The following DPYD variants were observed in gnomAD, a reference collection of about 807,000 sequenced individuals.
DPYD encodes the protein dihydropyrimidine dehydrogenase [NADP(+)].
Under a neutral mutation model 116.2 loss-of-function variants are expected in DPYD, and 109 were observed. The observed-to-expected ratio is 0.94, with a 90% CI of 0.80 to 1.10. The LOEUF is 1.10. DPYD is among the 50% of genes least tolerant of loss of function. The pLI, the probability that DPYD is intolerant of heterozygous loss-of-function variation, is 0.00. For synonymous variants in DPYD, 440 were observed against 432.0 expected (o/e 1.02, Z -0.23); for missense variants, 1,302 against 1,254.5 (o/e 1.04, Z -0.57).
chr1:97,720,037 GA>G, intron 5 of DPYD: 1 of 984,940 alleles, frequency 1.0e-6, no homozygotes, highest in Non-Finnish European at 1.2e-6. Flanking sequence ...CTCTGGGAAT[GA>G]GTGGTAGAAC....
intron 8 of DPYD, among the ~76,000 whole-genome samples, chr1:97,670,241 T>C (rs184669584): frequency 6.6e-5 from 10 of 152,266 alleles, no homozygotes; most frequent in South Asian, 2.1e-4. Context: ...TGCAGACCTA[T>C]AGTATGATTA....
chr1:97,105,385 T>G (rs988911957), intron 20 of DPYD, among the ~76,000 whole-genome samples: 8 of 152,102 alleles, frequency 5.3e-5, no homozygotes, highest in African/African-American at 1.9e-4. Context: ...AGAGCCACTA[T>G]TTAATTTTAA....
chr1:97,830,973 C>T (rs1392236937), intron 2 of DPYD, among the ~76,000 whole-genome samples: 1 of 152,138 alleles, frequency 6.6e-6, no homozygotes, highest in Non-Finnish European at 1.5e-5. Context: ...GAGTATTAGG[C>T]TAACTAACAG....
rs920076137 is a variant in DPYD, at chr1:97,717,761, C to T, written c.483+3749G>A. Among the ~76,000 whole-genome samples, 86 of 151,788 alleles carry T rather than the reference C, an allele frequency of 5.7e-4. 1 individual carries two copies. The highest frequency in any genetic ancestry group is 5.3e-3 in the Admixed American group (80 of 15,186). On this transcript the variant is annotated intron_variant, in intron 5 of 22. Transcript: ENST00000370192. ...GTCTCCAACTCCATCTACATTGCAG[C>T]GAATGCCATTATTTTGCTCCTTTTT...
chr1:97,807,233 C>T (rs927133107), intron 3 of DPYD, among the ~76,000 whole-genome samples: 7 of 152,110 alleles, frequency 4.6e-5, no homozygotes, highest in South Asian at 2.1e-4. Context: ...TAAGAAAGTG[C>T]CAAACTGCCT....
intron 4 of DPYD, among the ~76,000 whole-genome samples, chr1:97,732,473 CAAA>C (rs751262032): frequency 3.6e-5 from 2 of 55,132 alleles, no homozygotes. Flanking sequence ...GACTCCATCT[CAAA>C]AAAAAAAAAA....
At chr1:97,333,652 C>T (rs1044070759) in intron 16 of DPYD, among the ~76,000 whole-genome samples, 5 of 150,204 alleles carry the variant, frequency 3.3e-5, no homozygotes, top group African/African-American at 1.2e-4. Flanking sequence ...TCCCGAGTAG[C>T]CGGGATTACA....
chr1:97,088,334 T>G (rs1464829537), intron 21 of DPYD, among the ~76,000 whole-genome samples: 1 of 152,212 alleles, frequency 6.6e-6, no homozygotes, highest in Non-Finnish European at 1.5e-5. Flanking sequence ...CAAGATTCCT[T>G]TAGCTGCCAT....
chr1:97,843,885 T>A (rs1670161982), intron 2 of DPYD, among the ~76,000 whole-genome samples: 1 of 152,226 alleles, frequency 6.6e-6, no homozygotes, highest in Middle Eastern at 3.2e-3. Context: ...TAAAATATCT[T>A]TTTAAAATAT....
At chr1:97,447,245 C>A (rs535330501) in intron 14 of DPYD, among the ~76,000 whole-genome samples, 1 of 152,312 alleles carries the variant, frequency 6.6e-6, no homozygotes, top group Admixed American at 6.5e-5. Context: ...ATTGTCCAGT[C>A]CCTGTCATTA....
intron 20 of DPYD, among the ~76,000 whole-genome samples, chr1:97,172,153 C>T (rs1036133953): frequency 1.3e-5 from 2 of 152,174 alleles, no homozygotes; most frequent in African/African-American, 4.8e-5. Flanking sequence ...CAACTGTAGG[C>T]ATCGGTGATG....
rs1368431836 is a variant in DPYD at position 97,845,152 on chromosome 1, C to T, written c.151-16956G>A. Among the ~76,000 whole-genome samples, 4 of 152,142 alleles carry T rather than the reference C, an allele frequency of 2.6e-5. No individual in the cohort carries two copies. The South Asian group carries it at 8.3e-4, about 31-fold the overall frequency. ...AGACAGCCTCAAGCATGGAAAGGGG[C>T]GGGTCCCCAGTGAAGCCCCACCTTC... On this transcript the variant is annotated intron_variant, in intron 2 of 22. Coordinates refer to ENST00000370192, the MANE Select transcript of DPYD (RefSeq NM_000110.4).
chr1:97,194,106 T>A (rs1658580525), intron 19 of DPYD, among the ~76,000 whole-genome samples: 1 of 151,884 alleles, frequency 6.6e-6, no homozygotes, highest in Non-Finnish European at 1.5e-5. Context: ...TAGGACACTG[T>A]TTGTCTGTTA....
chr1:97,616,104 T>C (rs890849098), intron 8 of DPYD, among the ~76,000 whole-genome samples: 1 of 152,052 alleles, frequency 6.6e-6, no homozygotes, highest in African/African-American at 2.4e-5. Flanking sequence ...AGGGTTTGAG[T>C]CTATTTTATT....
rs1270311904 is a variant in DPYD at position 97,307,017 on chromosome 1, A to G, written c.2059-720T>C. 2.6e-5 allele frequency among the ~76,000 whole-genome samples: 4 copies of G among 151,890 alleles called. No individual in the cohort carries two copies. In the Middle Eastern group the frequency reaches 0.01, roughly 387 times the overall value. On this transcript the variant is annotated intron_variant, in intron 16 of 22. Transcript: ENST00000370192. ...AAGAAATAGACATTTCCATGTGCCT[A>G]TTTTCTGTGATTTTCCAGGCTCTTA... is the stretch of plus-strand genomic sequence containing the variant.
In DPYD at chr1:97,507,727, G is replaced by A. The variant is rs141561699; in HGVS notation, c.1740+7999C>T. On this transcript the variant is annotated intron_variant, in intron 13 of 22. Coordinates refer to ENST00000370192, the MANE Select transcript of DPYD (RefSeq NM_000110.4). ...AATGTTATTCCTCAGTTCTCATCTC[G>A]TTGATAGGTGCTGGCAATTTGTGCA... 7.3e-4 allele frequency among the ~76,000 whole-genome samples: 111 copies of A among 152,080 alleles called. No individual in the cohort carries two copies. The East Asian group carries it at 9.9e-3, about 14-fold the overall frequency.
intron 21 of DPYD, among the ~76,000 whole-genome samples, chr1:97,092,287 T>C (rs1025423197): frequency 2.6e-5 from 4 of 152,192 alleles, no homozygotes; most frequent in African/African-American, 9.6e-5. Context: ...GGTTGCACAT[T>C]AAAGATTATT....
Position 97,740,629 on chromosome 1 carries a change from A to G in DPYD, c.234-150T>C, listed in dbSNP as rs56277514. 3,084 of 694,340 alleles carry G rather than the reference A, an allele frequency of 4.4e-3. 15 individuals are homozygous for G. The highest frequency in any genetic ancestry group is 4.7e-3 in the Non-Finnish European group (1,937 of 410,246). The allele number at this position is 694,340 out of a possible 1,614,324, so 43.0% of individuals were successfully genotyped here. The stretch of plus-strand genomic sequence containing the variant: ...AAACATTTTTAAGCAATAAATACAA[A>G]GTTTCTGTGTTTCATCTTTGGCACT... On this transcript the variant is annotated intron_variant, in intron 3 of 22. Transcript: ENST00000370192.
chr1:97,146,990 G>A (rs1654678258), intron 20 of DPYD, among the ~76,000 whole-genome samples: 1 of 152,156 alleles, frequency 6.6e-6, no homozygotes, highest in Admixed American at 6.5e-5. Context: ...ATAGGAAGGA[G>A]GAGAGCATGT....
Sources: allele counts gnomAD v4.1 joint callset (sites outside exome capture counted in the v4.1 genomes callset), GRCh38; gene constraint gnomAD v4.1.1; transcripts MANE v1.5; gene names NCBI Gene and HGNC (gene_info 2026-07-23, HGNC 2026-07-21).